Variants in DSCAML1 observed in about 807,000 individuals in gnomAD.
DSCAML1 encodes the protein DS cell adhesion molecule like 1, also known as cell adhesion molecule DSCAML1.
A neutral mutation model predicts 200.5 loss-of-function variants in DSCAML1; 38 were observed. The observed-to-expected ratio is 0.19, with a 90% confidence interval of 0.15 to 0.25. DSCAML1 has a LOEUF of 0.25. DSCAML1 is among the 10% of genes least tolerant of loss of function. The pLI, the probability that DSCAML1 is intolerant of heterozygous loss-of-function variation, is 1.00. For synonymous variants in DSCAML1, 1,215 were observed against 1,165.0 expected, an observed-to-expected ratio of 1.04 and a Z score of -0.87; for missense variants, 2,223 against 2,858.8, an observed-to-expected ratio of 0.78 and a Z score of 5.07.
intron 4 of DSCAML1, among the ~76,000 whole-genome samples, chr11:117,528,927 C>G (rs1316074586): frequency 7.0e-6 from 1 of 143,060 alleles, no homozygotes; most frequent in Non-Finnish European, 1.5e-5. Context: ...AAGTTGCCGC[C>G]CCCCGCCCCC....
At chr11:117,560,647 G>C (rs2050644769) in intron 3 of DSCAML1, among the ~76,000 whole-genome samples, 1 of 152,178 alleles carries the variant, frequency 6.6e-6, no homozygotes, top group African/African-American at 2.4e-5. Flanking sequence ...CCTCTTGCCA[G>C]GGTGGCAGAA....
intron 3 of DSCAML1, among the ~76,000 whole-genome samples, chr11:117,550,671 C>A (rs1410212962): frequency 3.9e-5 from 6 of 152,228 alleles, no homozygotes; most frequent in Non-Finnish European, 5.9e-5. Context: ...TGCCTCCCCA[C>A]CTTGGCATTG....
At chr11:117,686,672 T>C (rs2053405522) in intron 3 of DSCAML1, among the ~76,000 whole-genome samples, 1 of 152,102 alleles carries the variant, frequency 6.6e-6, no homozygotes, top group Admixed American at 6.5e-5. Context: ...CACCTGCATA[T>C]AAAGGGAATC....
chr11:117,784,549 T>C (rs2134060464), intron 1 of DSCAML1, among the ~76,000 whole-genome samples: 1 of 152,266 alleles, frequency 6.6e-6, no homozygotes, highest in South Asian at 2.1e-4. Flanking sequence ...AGTAGGAGCC[T>C]GGTGTCCTAA....
chr11:117,720,104 A>AC (rs1418168272), intron 3 of DSCAML1, among the ~76,000 whole-genome samples: 2 of 151,490 alleles, frequency 1.3e-5, no homozygotes, highest in Non-Finnish European at 2.9e-5. Flanking sequence ...GAAGGACAGA[A>AC]CCCCCACCCT....
At position 117,610,840 on chromosome 11, in the gene DSCAML1, A is replaced by ACC. The variant is rs5795096; in HGVS notation, c.512-78320_512-78319dup. Among the ~76,000 whole-genome samples the ACC allele has an allele frequency of 3.1e-3, 349 of 112,640 alleles. 13 individuals are homozygous for ACC. Among genetic ancestry groups the ACC allele is most frequent in the East Asian group, 0.017 (51 of 3,060 alleles). 73.9% of individuals were successfully genotyped at this position (112,640 alleles called of 152,430 possible). ...CAAACCCCTAAACCAAACCAAAACAACCCCCCCCCCCCACAATGTGTTCGT... is the reference window on the plus strand; with the variant it reads ...CAAACCCCTAAACCAAACCAAAACAACCCCCCCCCCCCCCACAATGTGTTCGT... On this transcript the variant is annotated intron_variant, in intron 3 of 32. Coordinates refer to ENST00000651296, the MANE Select transcript of DSCAML1 (RefSeq NM_020693.4).
intron 1 of DSCAML1, among the ~76,000 whole-genome samples, chr11:117,787,418 T>C (rs556218969): frequency 4.7e-4 from 71 of 150,754 alleles, no homozygotes; most frequent in African/African-American, 1.7e-3. Context: ...TCACCTCTGA[T>C]GATAATAATA....
intron 3 of DSCAML1, among the ~76,000 whole-genome samples, chr11:117,715,506 C>T (rs1252323057): frequency 2.0e-5 from 3 of 152,180 alleles, no homozygotes; most frequent in African/African-American, 4.8e-5. Flanking sequence ...GAACTGTGCT[C>T]GGCACTGGGG....
At chr11:117,610,816 A>G (rs2508561) in intron 3 of DSCAML1, among the ~76,000 whole-genome samples, 2 of 143,706 alleles carry the variant, frequency 1.4e-5, no homozygotes, top group Admixed American at 7.7e-5. Context: ...AACACTGCCC[A>G]AACCCCTAAA....
intron 3 of DSCAML1, among the ~76,000 whole-genome samples, chr11:117,644,713 G>T (rs1488657008): frequency 6.6e-6 from 1 of 152,204 alleles, no homozygotes; most frequent in Non-Finnish European, 1.5e-5. Context: ...CTAGGGCAGG[G>T]GACCCCCCCT....
intron 12 of DSCAML1, 93 bp downstream of exon 12, chr11:117,481,870 T>C: frequency 1.4e-6 from 2 of 1,455,988 alleles, no homozygotes; most frequent in East Asian, 2.3e-5. Context: ...GCTCCCAGGC[T>C]CCCCATTTGC....
intron 5 of DSCAML1, 65 bp from the exon 6 acceptor site, chr11:117,521,470 T>G: frequency 6.5e-7 from 1 of 1,542,502 alleles, no homozygotes; most frequent in Non-Finnish European, 8.8e-7. Context: ...AAGGGCTTAC[T>G]GTGAGTGGAG....
At chr11:117,803,128 G>C (rs868097952) in intron 1 of DSCAML1, among the ~76,000 whole-genome samples, 2 of 152,078 alleles carry the variant, frequency 1.3e-5, no homozygotes, top group Non-Finnish European at 2.9e-5. Context: ...GGCCATGCAC[G>C]TACTTCCAGG....
chr11:117,593,711 GT>G (rs374196105), intron 3 of DSCAML1, among the ~76,000 whole-genome samples: 3,910 of 132,216 alleles, frequency 0.03, 119 homozygotes, highest in African/African-American at 0.097. Flanking sequence ...TATATTTCTT[GT>G]TTTTTTTTTT....
intron 8 of DSCAML1, among the ~76,000 whole-genome samples, chr11:117,507,167 G>A (rs1432500801): frequency 6.7e-6 from 1 of 149,878 alleles, no homozygotes; most frequent in Non-Finnish European, 1.5e-5. Context: ...GCAGAAGAGA[G>A]AAGGAGATAG....
rs1423649603 is a variant in DSCAML1, at chr11:117,676,550, A to G, written c.511+100241T>C. ...GGTCCAGGGGGGTTCCATTGCCACA[A>G]CTGCACAGACGGGGTGCTCCTGGGA... On this transcript the variant is annotated intron_variant, in intron 3 of 32. Coordinates refer to ENST00000651296, the MANE Select transcript of DSCAML1 (RefSeq NM_020693.4). Among the ~76,000 whole-genome samples, 7 of 152,282 alleles carry G rather than the reference A, an allele frequency of 4.6e-5. No individual in the cohort carries two copies. In the East Asian group the frequency reaches 1.3e-3, roughly 29 times the overall value.
chr11:117,661,240 G>T (rs962244669), intron 3 of DSCAML1, among the ~76,000 whole-genome samples: 1 of 152,136 alleles, frequency 6.6e-6, no homozygotes, highest in African/African-American at 2.4e-5. Flanking sequence ...GAAACTCAAG[G>T]CCTGGTAACC....
intron 5 of DSCAML1, among the ~76,000 whole-genome samples, chr11:117,522,605 A>T (rs2049903646): frequency 6.6e-6 from 1 of 152,132 alleles, no homozygotes; most frequent in Non-Finnish European, 1.5e-5. Context: ...AGCATAAATG[A>T]CCGCATGCTT....
chr11:117,751,407 T>TTC (rs2054603939), intron 3 of DSCAML1, among the ~76,000 whole-genome samples: 2 of 151,812 alleles, frequency 1.3e-5, no homozygotes, highest in South Asian at 4.2e-4. Context: ...TTTTTTTTTT[T>TTC]TCTCTGTTGC....
Sources: gnomAD v4.1 joint callset for allele counts (sites outside exome capture counted in the v4.1 genomes callset) on GRCh38, gnomAD v4.1.1 for gene constraint, MANE v1.5 for transcripts, NCBI Gene and HGNC (gene_info 2026-07-23, HGNC 2026-07-21) for gene names.